The following TUSC3 variants were observed in gnomAD, a reference collection of about 807,000 sequenced individuals.
TUSC3 encodes tumor suppressor candidate 3, also known as dolichyl-diphosphooligosaccharide--protein glycosyltransferase subunit TUSC3.
In TUSC3, 45 loss-of-function variants were observed where a neutral mutation model predicts 44.8. That is an observed-to-expected ratio of 1.00 (90% CI 0.79 to 1.29). TUSC3 has a LOEUF of 1.29. Among genes scored for constraint, TUSC3 ranks in the 50% most tolerant of loss-of-function variants. The pLI is 0.00. For missense variants in TUSC3, 519 were observed against 437.9 expected, an observed-to-expected ratio of 1.19 and a Z score of -1.65; for synonymous variants, 212 against 152.9, an observed-to-expected ratio of 1.39 and a Z score of -2.85.
At chr8:15,631,266 G>T (rs147449054) in intron 2 of TUSC3, among the ~76,000 whole-genome samples, 1 of 152,166 alleles carries the variant, frequency 6.6e-6, no homozygotes, top group African/African-American at 2.4e-5. Flanking sequence ...GGCATATGAC[G>T]TAACTTTAGT....
At chr8:15,535,089 A>T (rs1161511438) in intron 2 of TUSC3, among the ~76,000 whole-genome samples, 1 of 152,250 alleles carries the variant, frequency 6.6e-6, no homozygotes, top group African/African-American at 2.4e-5. Flanking sequence ...AATTGGTTTC[A>T]TGTGTTAAGT....
At chr8:15,570,665 C>G (rs895191435) in intron 1 of TUSC3, among the ~76,000 whole-genome samples, 1 of 152,058 alleles carries the variant, frequency 6.6e-6, no homozygotes, top group African/African-American at 2.4e-5. Flanking sequence ...TCATCACAAG[C>G]TTAGCATGAT....
intron 6 of TUSC3, among the ~76,000 whole-genome samples, chr8:15,703,008 A>G (rs145990966): frequency 2.6e-5 from 4 of 152,260 alleles, no homozygotes; most frequent in East Asian, 1.9e-4. Flanking sequence ...CAGTCGTGCA[A>G]TGGAGGTAGT....
chr8:15,694,310 C>T (rs189473453), intron 6 of TUSC3, among the ~76,000 whole-genome samples: 21 of 151,902 alleles, frequency 1.4e-4, no homozygotes, highest in Admixed American at 5.9e-4. Flanking sequence ...AGCATGGTGG[C>T]GTGCGCCGTT....
chr8:15,606,765 A>G (rs1471329240), intron 1 of TUSC3, among the ~76,000 whole-genome samples: 1 of 152,100 alleles, frequency 6.6e-6, no homozygotes, highest in African/African-American at 2.4e-5. Context: ...AAATTCCTAG[A>G]AATGGCATTG....
At chr8:15,710,275 G>C (rs1326512714) in intron 6 of TUSC3, among the ~76,000 whole-genome samples, 1 of 151,592 alleles carries the variant, frequency 6.6e-6, no homozygotes, top group Non-Finnish European at 1.5e-5. Flanking sequence ...CTAATTTTTT[G>C]CTTGGTTTGT....
intron 3 of TUSC3, among the ~76,000 whole-genome samples, chr8:15,651,450 G>A (rs1806900792): frequency 6.6e-6 from 1 of 152,138 alleles, no homozygotes; most frequent in Non-Finnish European, 1.5e-5. Context: ...ATAGCTTCTG[G>A]CGTGACTGTA....
chr8:15,664,764 A>G (rs1157429958), intron 5 of TUSC3, among the ~76,000 whole-genome samples: 1 of 149,458 alleles, frequency 6.7e-6, no homozygotes, highest in African/African-American at 2.4e-5. Context: ...AACTCCTTAA[A>G]TCATTTAAAA....
At chr8:15,594,142 A>T (rs2129151725) in intron 1 of TUSC3, among the ~76,000 whole-genome samples, 1 of 152,304 alleles carries the variant, frequency 6.6e-6, no homozygotes, top group East Asian at 1.9e-4. Context: ...AGTTCGCTGC[A>T]ATTTTAAATT....
intron 5 of TUSC3, 113 bp downstream of exon 5, chr8:15,662,409 G>A (rs1807464051): frequency 6.9e-7 from 1 of 1,439,250 alleles, no homozygotes; most frequent in Admixed American, 1.8e-5. Flanking sequence ...AAGTCTGAAT[G>A]AGAAGTAACT....
At chr8:15,789,637 T>G in the TUSC3 span, among the ~76,000 whole-genome samples, 2 of 151,066 alleles carry the variant, frequency 1.3e-5, no homozygotes, top group African/African-American at 2.4e-5. Flanking sequence ...TGTATGCAGA[T>G]ATATATATAT....
At chr8:15,624,367 T>C (rs1393520496) in intron 2 of TUSC3, among the ~76,000 whole-genome samples, 2 of 152,222 alleles carry the variant, frequency 1.3e-5, no homozygotes, top group Non-Finnish European at 2.9e-5. Context: ...TGGTAGTTTC[T>C]ATTTAGTTAT....
intron 2 of TUSC3, among the ~76,000 whole-genome samples, chr8:15,524,352 C>T (rs1801344565): frequency 6.6e-6 from 1 of 152,110 alleles, no homozygotes; most frequent in Non-Finnish European, 1.5e-5. Context: ...AATTTTCACT[C>T]ACCATGTCTA....
intron 2 of TUSC3, among the ~76,000 whole-genome samples, chr8:15,623,633 A>C (rs1052415366): frequency 3.3e-5 from 5 of 151,924 alleles, no homozygotes; most frequent in African/African-American, 9.7e-5. Flanking sequence ...AATTTTTGAT[A>C]CCGCCAATGA....
intron 2 of TUSC3, among the ~76,000 whole-genome samples, chr8:15,492,601 C>G (rs1345211630): frequency 6.6e-6 from 1 of 151,772 alleles, no homozygotes; most frequent in Non-Finnish European, 1.5e-5. Context: ...GACTTGGTGA[C>G]CACTCAGATA....
At chr8:15,470,777 G>C (rs1442088901) in intron 1 of TUSC3, among the ~76,000 whole-genome samples, 1 of 152,056 alleles carries the variant, frequency 6.6e-6, no homozygotes, top group Non-Finnish European at 1.5e-5. Flanking sequence ...CAGTTCCTCT[G>C]GTTTTCTGTC....
intron 1 of TUSC3, among the ~76,000 whole-genome samples, chr8:15,578,773 T>A (rs1330843658): frequency 1.3e-5 from 2 of 152,094 alleles, no homozygotes; most frequent in Non-Finnish European, 2.9e-5. Context: ...GGTCTAAAAT[T>A]CTCTTTTTTT....
chr8:15,732,013 G>A (rs1810743976), intron 7 of TUSC3, among the ~76,000 whole-genome samples: 1 of 152,250 alleles, frequency 6.6e-6, no homozygotes, highest in African/African-American at 2.4e-5. Context: ...GTAAAATCAG[G>A]ATTAGCAATA....
At chr8:15,560,969 G>C (rs567715718) in intron 1 of TUSC3, among the ~76,000 whole-genome samples, 1 of 120,246 alleles carries the variant, frequency 8.3e-6, no homozygotes, top group Non-Finnish European at 1.8e-5. Context: ...GTAGCTGAGA[G>C]TAATTTGATC....
Sources: allele counts gnomAD v4.1 joint callset (sites outside exome capture counted in the v4.1 genomes callset), GRCh38; gene constraint gnomAD v4.1.1; transcripts MANE v1.5; gene names NCBI Gene and HGNC (gene_info 2026-07-23, HGNC 2026-07-21).